The following DENND5A variants were observed in gnomAD, a reference collection of about 807,000 sequenced individuals.
The protein encoded by DENND5A is DENN domain containing 5A, also known as DENN domain-containing protein 5A.
DENND5A carries 64 observed loss-of-function variants against 140.3 expected under a neutral mutation model. The observed-to-expected ratio is 0.46, with a 90% CI of 0.37 to 0.56. DENND5A has a LOEUF of 0.56. DENND5A is among the 20% of genes least tolerant of loss of function. DENND5A has a pLI of 0.00. For missense variants in DENND5A, 1,292 were observed against 1,593.8 expected, an observed-to-expected ratio of 0.81 and a Z score of 3.22; for synonymous variants, 605 against 607.7, an observed-to-expected ratio of 1.00 and a Z score of 0.07.
chr11:9,237,841 C>T (rs184294621), intron 1 of DENND5A, among the ~76,000 whole-genome samples: 7 of 152,310 alleles, frequency 4.6e-5, no homozygotes, highest in African/African-American at 1.2e-4. Flanking sequence ...CGAGATTACA[C>T]CACTGCATTT....
chr11:9,199,231 C>T (rs1022839078), intron 4 of DENND5A, among the ~76,000 whole-genome samples: 3 of 151,924 alleles, frequency 2.0e-5, no homozygotes, highest in Non-Finnish European at 2.9e-5. Flanking sequence ...GGTGCAGTGG[C>T]TCATGCCTGT....
chr11:9,147,098 A>G lies in DENND5A; in HGVS notation c.2789T>C (p.Phe930Ser). 6.2e-7 allele frequency: 1 copy of G among 1,614,122 alleles called. No homozygotes were observed. Residue 930 changes from phenylalanine to serine, a missense_variant, in exon 16 of 23, where the codon TTC becomes TCC. By Grantham distance (155) the Phe-to-Ser change is radical (BLOSUM62 -2). Around this residue, in one of 4 missense-constraint regions of DENND5A, gnomAD observed 498 missense variants for 689.7 expected, o/e 0.72. Transcript: ENST00000328194. ...FLRCDDEKEQ[F>S]LYHLLSFNAV... ...ATTGAAAGACAGGAGGTGATAGAGGAACTGCTCCTTCTCGTCATCACAGCG... is the reference window on the plus strand; with the variant it reads ...ATTGAAAGACAGGAGGTGATAGAGGGACTGCTCCTTCTCGTCATCACAGCG...
chr11:9,255,471 C>T (rs1030803206), intron 1 of DENND5A, among the ~76,000 whole-genome samples: 1 of 152,142 alleles, frequency 6.6e-6, no homozygotes, highest in Non-Finnish European at 1.5e-5. Context: ...GTGGCTCTTA[C>T]CTGTAATCTC....
intron 1 of DENND5A, among the ~76,000 whole-genome samples, chr11:9,221,906 T>C (rs1313751914): frequency 2.0e-5 from 3 of 151,960 alleles, no homozygotes; most frequent in Admixed American, 6.6e-5. Context: ...TACAGGTGCA[T>C]GCCACCACGC....
chr11:9,149,943 G>T, intron 15 of DENND5A, 138 bp downstream of exon 15: 1 of 1,225,440 alleles, frequency 8.2e-7, no homozygotes, highest in Non-Finnish European at 1.1e-6. Context: ...AGGAAATACT[G>T]CAAAACCTTC....
At chr11:9,206,577 T>C in intron 3 of DENND5A, 96 bp downstream of exon 3, 1 of 863,636 alleles carries the variant, frequency 1.2e-6, no homozygotes, top group Non-Finnish European at 1.9e-6. Context: ...AAGTTATTGG[T>C]ATTTGGTGGC....
At chr11:9,210,684 C>G (rs1849847964) in intron 1 of DENND5A, among the ~76,000 whole-genome samples, 1 of 152,170 alleles carries the variant, frequency 6.6e-6, no homozygotes, top group African/African-American at 2.4e-5. Context: ...GCTAGGACCA[C>G]CACGCCCAGC....
intron 1 of DENND5A, among the ~76,000 whole-genome samples, chr11:9,254,158 GA>G (rs10718465): frequency 0.43 from 39,833 of 91,858 alleles, 7,505 homozygotes; most frequent in African/African-American, 0.56. Flanking sequence ...CTCTGTCTCA[GA>G]AAAAAAAAAA....
chr11:9,183,508 C>T (rs919584400), intron 5 of DENND5A, among the ~76,000 whole-genome samples: 5 of 151,130 alleles, frequency 3.3e-5, no homozygotes, highest in Non-Finnish European at 7.4e-5. Flanking sequence ...ACAGTCATGG[C>T]TCACTGCAGC....
At chr11:9,233,616 C>T (rs1850872072) in intron 1 of DENND5A, among the ~76,000 whole-genome samples, 1 of 151,868 alleles carries the variant, frequency 6.6e-6, no homozygotes. Flanking sequence ...ATAGGTATCC[C>T]TAAAATAATA....
At chr11:9,203,631 G>T in intron 4 of DENND5A, 29 bp downstream of exon 4, 1 of 1,581,460 alleles carries the variant, frequency 6.3e-7, no homozygotes. Context: ...CCTGAGGCAG[G>T]CAGAAGGCTC....
chr11:9,149,218 C>T (rs1237272926), intron 15 of DENND5A, among the ~76,000 whole-genome samples: 1 of 152,222 alleles, frequency 6.6e-6, no homozygotes, highest in Admixed American at 6.5e-5. Context: ...CATCTCCAAG[C>T]TACAAACAGT....
chr11:9,257,366 G>A lies in DENND5A; in HGVS notation c.109+7595C>T, dbSNP rs544566782. On this transcript the variant is annotated intron_variant, in intron 1 of 22. Transcript: ENST00000328194. The stretch of plus-strand genomic sequence containing the variant: ...TAAAGCTACGGGCCTGGGAGGTCGA[G>A]GCTGCAGTGAGTCATGATTGTGCCA... Among the ~76,000 whole-genome samples the A allele has an allele frequency of 1.3e-4, 19 of 150,406 alleles. No homozygotes were observed. The South Asian group carries it at 3.6e-3, about 29-fold the overall frequency.
chr11:9,208,813 G>C (rs1447865541), intron 1 of DENND5A, among the ~76,000 whole-genome samples: 1 of 108,052 alleles, frequency 9.3e-6, no homozygotes, highest in Non-Finnish European at 1.9e-5. Flanking sequence ...AAATACATTT[G>C]GTAATCTTCA....
intron 12 of DENND5A, among the ~76,000 whole-genome samples, chr11:9,153,915 G>C (rs1001996436): frequency 1.3e-5 from 2 of 152,214 alleles, no homozygotes; most frequent in African/African-American, 4.8e-5. Flanking sequence ...TAATGAGTGA[G>C]CCCAGCTGGT....
intron 1 of DENND5A, among the ~76,000 whole-genome samples, chr11:9,239,487 C>A (rs1212431799): frequency 6.6e-6 from 1 of 151,966 alleles, no homozygotes; most frequent in Admixed American, 6.6e-5. Context: ...CAGGCATGCA[C>A]CACTACACTC....
intron 5 of DENND5A, among the ~76,000 whole-genome samples, chr11:9,182,167 G>A (rs944503572): frequency 1.4e-4 from 22 of 152,080 alleles, no homozygotes; most frequent in Admixed American, 9.8e-4. Context: ...AGTACAAAAA[G>A]TAGCCAGGTG....
Position 9,144,728 on chromosome 11 carries a change from G to T in DENND5A, c.3122+267C>A, listed in dbSNP as rs150538656. On this transcript the variant is annotated intron_variant, in intron 18 of 22. Transcript: ENST00000328194. ...CGCCTCAGCCCAGGAGGCACAGGCTGCAGTGAGCCAAGATCACGCCACTGC... is the reference window on the plus strand; with the variant it reads ...CGCCTCAGCCCAGGAGGCACAGGCTTCAGTGAGCCAAGATCACGCCACTGC... Among the ~76,000 whole-genome samples the T allele has an allele frequency of 8.2e-4, 125 of 151,542 alleles. 1 individual carries two copies. In the East Asian group the frequency reaches 0.022, roughly 27 times the overall value.
intron 15 of DENND5A, among the ~76,000 whole-genome samples, chr11:9,149,852 G>A (rs897322159): frequency 4.6e-5 from 7 of 152,186 alleles, no homozygotes; most frequent in Admixed American, 1.3e-4. Context: ...CTCCAAGAAA[G>A]CTAGTTTTGG....
Sources: gnomAD v4.1 joint callset for allele counts (sites outside exome capture counted in the v4.1 genomes callset) on GRCh38, gnomAD v4.1.1 for gene constraint, gnomAD v4.1.1 regional missense constraint, MANE v1.5 for transcripts, NCBI Gene and HGNC (gene_info 2026-07-23, HGNC 2026-07-21) for gene names.